Variants in DOCK1 observed in about 807,000 individuals in gnomAD.
The protein encoded by DOCK1 is dedicator of cytokinesis 1.
A neutral mutation model predicts 262.7 loss-of-function variants in DOCK1; 138 were observed. That is an observed-to-expected ratio of 0.53 (90% CI 0.46 to 0.61). The LOEUF (loss-of-function observed/expected upper bound fraction) is 0.61, where lower values mean the gene tolerates loss of function less well. DOCK1 is among the 20% of genes least tolerant of loss of function. The pLI, the probability that DOCK1 is intolerant of heterozygous loss-of-function variation, is 0.00. For synonymous variants in DOCK1, 866 were observed against 867.4 expected (o/e 1.00, Z 0.03); for missense variants, 1,908 against 2,370.7 (o/e 0.80, Z 4.05).
intron 1 of DOCK1, among the ~76,000 whole-genome samples, chr10:126,935,185 A>C (rs2034486078): frequency 6.6e-6 from 1 of 152,174 alleles, no homozygotes; most frequent in Admixed American, 6.5e-5. Flanking sequence ...CTCAATTAGG[A>C]TGTTGCTGAT....
Position 127,378,409 on chromosome 10 carries a change from G to A in DOCK1, c.3676-1673G>A, listed in dbSNP as rs994763331. Among the ~76,000 whole-genome samples the A allele has an allele frequency of 6.5e-4, 98 of 149,928 alleles. 1 individual carries two copies. The highest frequency in any genetic ancestry group is 6.4e-3 in the Admixed American group (98 of 15,236). ...CACAGATGTCAGTCAGCGCTGGTGT[G>A]GGGGGACTTGAGAGACAAGGCTGCC... On this transcript the variant is annotated intron_variant, in intron 35 of 51. Transcript: ENST00000623213.
At chr10:127,102,614 G>A (rs891864930) in intron 23 of DOCK1, among the ~76,000 whole-genome samples, 2 of 152,234 alleles carry the variant, frequency 1.3e-5, no homozygotes, top group African/African-American at 4.8e-5. Flanking sequence ...TGGATCACTT[G>A]AGGTCAGGAG....
chr10:127,421,245 C>A (rs144794088), intron 46 of DOCK1, among the ~76,000 whole-genome samples: 273 of 152,230 alleles, frequency 1.8e-3, no homozygotes, highest in African/African-American at 6.3e-3. Context: ...GACATCCCAG[C>A]AGGGCCTCTT....
chr10:126,978,968 G>C (rs1252624996), intron 3 of DOCK1, among the ~76,000 whole-genome samples: 2 of 152,094 alleles, frequency 1.3e-5, no homozygotes, highest in African/African-American at 4.8e-5. Flanking sequence ...ATCCAGGGTG[G>C]TCCCTATGGC....
At chr10:127,035,740 T>C (rs993904892) in intron 18 of DOCK1, among the ~76,000 whole-genome samples, 1 of 152,116 alleles carries the variant, frequency 6.6e-6, no homozygotes, top group African/African-American at 2.4e-5. Context: ...CCAGGTGCAG[T>C]GGCTCACATC....
chr10:126,963,643 C>A (rs1336256683), intron 1 of DOCK1, among the ~76,000 whole-genome samples: 1 of 105,416 alleles, frequency 9.5e-6, no homozygotes. Context: ...CCCTTCCCTC[C>A]TTCCTTCCTT....
intron 35 of DOCK1, 61 bp from the exon 36 acceptor site, chr10:127,380,021 T>C (rs1361273355): frequency 3.5e-6 from 4 of 1,140,724 alleles, no homozygotes; most frequent in African/African-American, 3.1e-5. Flanking sequence ...ATTTTTATTG[T>C]GCATGTGATA....
At chr10:127,046,272 C>G (rs940736527) in intron 21 of DOCK1, among the ~76,000 whole-genome samples, 1 of 152,112 alleles carries the variant, frequency 6.6e-6, no homozygotes, top group Non-Finnish European at 1.5e-5. Context: ...GAGCACCACC[C>G]GCAGAGGCCT....
chr10:127,003,607 T>G (rs951954875), intron 10 of DOCK1, among the ~76,000 whole-genome samples: 6 of 152,150 alleles, frequency 3.9e-5, no homozygotes, highest in African/African-American at 1.4e-4. Context: ...GTGGCCTCTG[T>G]GCTCACTCCA....
chr10:127,082,125 G>A (rs921788752), intron 23 of DOCK1, among the ~76,000 whole-genome samples: 1 of 152,198 alleles, frequency 6.6e-6, no homozygotes, highest in Non-Finnish European at 1.5e-5. Flanking sequence ...TCAGGCTGGG[G>A]AAGGTTAATT....
At chr10:127,403,665 TG>T (rs2067350999) in intron 39 of DOCK1, among the ~76,000 whole-genome samples, 1 of 152,076 alleles carries the variant, frequency 6.6e-6, no homozygotes, top group Non-Finnish European at 1.5e-5. Context: ...AGGCTGAGGC[TG>T]GAGAATCGCT....
intron 27 of DOCK1, among the ~76,000 whole-genome samples, chr10:127,212,828 G>A (rs1411208400): frequency 6.7e-6 from 1 of 149,388 alleles, no homozygotes; most frequent in Admixed American, 6.7e-5. Flanking sequence ...AAAAAAAAAG[G>A]ATGGAGAATC....
intron 27 of DOCK1, among the ~76,000 whole-genome samples, chr10:127,204,935 G>C (rs2057645853): frequency 6.6e-6 from 1 of 152,084 alleles, no homozygotes. Flanking sequence ...ACTGTGGGTG[G>C]CCTGGCTCTG....
intron 27 of DOCK1, among the ~76,000 whole-genome samples, chr10:127,209,776 T>C (rs777265603): frequency 1.3e-5 from 2 of 152,126 alleles, no homozygotes; most frequent in Non-Finnish European, 2.9e-5. Flanking sequence ...ACACATAGAA[T>C]TTATGGAAAG....
At chr10:126,934,042 C>G (rs934256038) in intron 1 of DOCK1, among the ~76,000 whole-genome samples, 24 of 152,126 alleles carry the variant, frequency 1.6e-4, no homozygotes, top group African/African-American at 5.8e-4. Context: ...GTTTCGAACT[C>G]CTGACCTTGT....
intron 29 of DOCK1, among the ~76,000 whole-genome samples, chr10:127,266,130 G>A (rs10458718): frequency 3.3e-5 from 5 of 152,168 alleles, no homozygotes; most frequent in African/African-American, 9.6e-5. Context: ...GGAGGACTGC[G>A]TGTTTTCTTT....
At chr10:127,188,047 G>C (rs2056440169) in intron 27 of DOCK1, among the ~76,000 whole-genome samples, 1 of 152,152 alleles carries the variant, frequency 6.6e-6, no homozygotes, top group Admixed American at 6.5e-5. Context: ...ACTGAACGAA[G>C]GGCTTAATGA....
At chr10:126,949,161 A>G (rs1220038794) in intron 1 of DOCK1, among the ~76,000 whole-genome samples, 2 of 152,042 alleles carry the variant, frequency 1.3e-5, no homozygotes, top group African/African-American at 4.8e-5. Flanking sequence ...TTGTTTGCTG[A>G]TCCATCTCCA....
At chr10:127,204,021 T>C (rs2057598307) in intron 27 of DOCK1, among the ~76,000 whole-genome samples, 1 of 152,090 alleles carries the variant, frequency 6.6e-6, no homozygotes, top group African/African-American at 2.4e-5. Flanking sequence ...GGCTAGAATG[T>C]TGTACAAACG....
Sources: gnomAD v4.1 joint callset for allele counts (sites outside exome capture counted in the v4.1 genomes callset) on GRCh38, gnomAD v4.1.1 for gene constraint, MANE v1.5 for transcripts, NCBI Gene and HGNC (gene_info 2026-07-23, HGNC 2026-07-21) for gene names.